The following YPEL5 variants were observed in gnomAD, a reference collection of about 807,000 sequenced individuals.
The protein encoded by YPEL5 is yippee like 5, also known as protein yippee-like 5.
In YPEL5, 1 loss-of-function variant was observed where a neutral mutation model predicts 10.5. The observed-to-expected ratio is 0.10, with a 90% CI of 0.03 to 0.45. The LOEUF is 0.45. YPEL5 is among the 20% of genes least tolerant of loss of function. The probability of loss-of-function intolerance (pLI) is 0.97; values close to 1 mark genes in which losing one functional copy is unlikely to be tolerated. For synonymous variants in YPEL5, 61 were observed against 56.6 expected (o/e 1.08, Z -0.35); for missense variants, 68 against 159.3 (o/e 0.43, Z 3.09).
At position 30,159,866 on chromosome 2, in the gene YPEL5, A is replaced by G. The variant is rs1404846244; in HGVS notation, c.*1023A>G. On this transcript the variant is annotated 3_prime_UTR_variant, in exon 3 of 3. Coordinates refer to ENST00000261353, the MANE Select transcript of YPEL5 (RefSeq NM_016061.3). ...TTCAGCCTTTCCCCCTCAGTTTTGC[A>G]TTGATTTTTTGACAAGTCTGTAGAG... 3 of 152,504 alleles carry G rather than the reference A, an allele frequency of 2.0e-5. No homozygotes were observed. The highest frequency in any genetic ancestry group is 2.4e-5 in the African/African-American group (1 of 41,422). 9.4% of individuals were successfully genotyped at this position (152,504 alleles called of 1,614,324 possible).
At chr2:30,154,337 TC>T (rs1383210613) in intron 1 of YPEL5, among the ~76,000 whole-genome samples, 2 of 152,218 alleles carry the variant, frequency 1.3e-5, no homozygotes, top group Non-Finnish European at 2.9e-5. Flanking sequence ...TTTATTTATA[TC>T]AGGAGTCATA....
chr2:30,147,613 T>G (rs1675510421), intron 1 of YPEL5: 1 of 151,784 alleles, frequency 6.6e-6, no homozygotes, highest in Non-Finnish European at 1.5e-5. Flanking sequence ...TGAACCGTCC[T>G]GAGCAGGGCC....
chr2:30,155,185 G>A (rs542228469), intron 1 of YPEL5, among the ~76,000 whole-genome samples: 1 of 152,200 alleles, frequency 6.6e-6, no homozygotes, highest in African/African-American at 2.4e-5. Context: ...TTAGTGCAAG[G>A]TTCATTGTGA....
intron 2 of YPEL5, 99 bp from the exon 3 acceptor site, chr2:30,158,520 C>A: frequency 8.7e-7 from 1 of 1,144,936 alleles, no homozygotes; most frequent in East Asian, 2.4e-5. Flanking sequence ...GTTCTTTCTC[C>A]TTTTCTGAAG....
chr2:30,156,553 C>A, intron 1 of YPEL5, 75 bp from the exon 2 acceptor site: 1 of 1,378,686 alleles, frequency 7.3e-7, no homozygotes, highest in Non-Finnish European at 1.0e-6. Context: ...ACAAATTGTT[C>A]TCTATGACAC....
At position 30,158,932 on chromosome 2, in the gene YPEL5, C is replaced by T. The variant is rs1676159960; in HGVS notation, c.*89C>T. On this transcript the variant is annotated 3_prime_UTR_variant, in exon 3 of 3. Transcript: ENST00000261353. The stretch of plus-strand genomic sequence containing the variant: ...TACACTGTCACCTTAGCATCAGAGT[C>T]GGATTAATGAACTGCGGAACAAGAG... 2 of 1,218,496 alleles carry T rather than the reference C, an allele frequency of 1.6e-6. No individual in the cohort carries two copies. Among genetic ancestry groups the T allele is most frequent in the Non-Finnish European group, 2.3e-6 (2 of 857,744 alleles). The allele number at this position is 1,218,496 out of a possible 1,614,324, so 75.5% of individuals were successfully genotyped here.
chr2:30,157,479 GATC>G (rs1352291227), intron 2 of YPEL5, among the ~76,000 whole-genome samples: 2 of 152,044 alleles, frequency 1.3e-5, no homozygotes, highest in African/African-American at 2.4e-5. Flanking sequence ...AGCGAATAAC[GATC>G]ATCTAACCAA....
intron 1 of YPEL5, among the ~76,000 whole-genome samples, chr2:30,151,864 C>T (rs1015669798): frequency 1.7e-4 from 26 of 152,278 alleles, no homozygotes; most frequent in African/African-American, 5.8e-4. Context: ...TTTAGAAATA[C>T]GGGGCTGAAG....
At chr2:30,156,403 C>T (rs1676041071) in intron 1 of YPEL5, 1 of 431,538 alleles carries the variant, frequency 2.3e-6, no homozygotes, top group East Asian at 3.7e-5. Flanking sequence ...AGGTTTACTT[C>T]CTTGGCTCAC....
intron 2 of YPEL5, among the ~76,000 whole-genome samples, chr2:30,157,970 G>T (rs973281838): frequency 2.0e-5 from 3 of 152,182 alleles, no homozygotes; most frequent in African/African-American, 7.2e-5. Context: ...CCACATAGCC[G>T]TCAAAGCCAG....
At chr2:30,157,695 G>A (rs557409213) in intron 2 of YPEL5, among the ~76,000 whole-genome samples, 13 of 152,192 alleles carry the variant, frequency 8.5e-5, no homozygotes, top group Non-Finnish European at 1.9e-4. Context: ...TTAGGCTAAG[G>A]AACATAGCTA....
chr2:30,155,218 C>T (rs1558357978), intron 1 of YPEL5, among the ~76,000 whole-genome samples: 1 of 152,168 alleles, frequency 6.6e-6, no homozygotes, highest in Non-Finnish European at 1.5e-5. Flanking sequence ...TGCTGGTTTT[C>T]CTTTTACTAG....
chr2:30,157,654 A>G (rs1676103492), intron 2 of YPEL5, among the ~76,000 whole-genome samples: 1 of 152,204 alleles, frequency 6.6e-6, no homozygotes, highest in African/African-American at 2.4e-5. Flanking sequence ...GGAATCTGGT[A>G]TATAATAGAA....
chr2:30,156,603 G>T, intron 1 of YPEL5, 25 bp from the exon 2 acceptor site: 1 of 1,608,586 alleles, frequency 6.2e-7, no homozygotes, highest in South Asian at 1.1e-5. Flanking sequence ...TAATGCATTT[G>T]TTATCCTTTT....
At chr2:30,158,517 CT>C in intron 2 of YPEL5, 101 bp from the exon 3 acceptor site, 1 of 1,100,168 alleles carries the variant, frequency 9.1e-7, no homozygotes, top group Non-Finnish European at 1.3e-6. Flanking sequence ...CAAGTTCTTT[CT>C]CCTTTTCTGA....
chr2:30,157,085 C>G (rs1198553163), intron 2 of YPEL5, among the ~76,000 whole-genome samples: 1 of 152,112 alleles, frequency 6.6e-6, no homozygotes, highest in Non-Finnish European at 1.5e-5. Flanking sequence ...GAGTTCAAGA[C>G]CAGCCTGGCC....
At chr2:30,156,365 G>T (rs567507593) in intron 1 of YPEL5, 2 of 321,090 alleles carry the variant, frequency 6.2e-6, no homozygotes, top group Non-Finnish European at 1.2e-5. Context: ...CATAAGAGAA[G>T]TGACACTATT....
At chr2:30,147,225 C>T (rs374099750) in intron 1 of YPEL5, among the ~76,000 whole-genome samples, 163 bp downstream of exon 1, 1 of 152,060 alleles carries the variant, frequency 6.6e-6, no homozygotes, top group East Asian at 2.0e-4. Context: ...AGCGGCCGCC[C>T]CAGATCCTTC....
chr2:30,158,245 G>A (rs1031883784), intron 2 of YPEL5, among the ~76,000 whole-genome samples: 21 of 152,310 alleles, frequency 1.4e-4, no homozygotes, highest in Admixed American at 1.3e-3. Context: ...CTTTTACATG[G>A]ATTGTATTAT....
Sources: allele counts gnomAD v4.1 joint callset (sites outside exome capture counted in the v4.1 genomes callset), GRCh38; gene constraint gnomAD v4.1.1; transcripts MANE v1.5; gene names NCBI Gene and HGNC (gene_info 2026-07-23, HGNC 2026-07-21).